Variants in COLEC12 observed in about 807,000 individuals in gnomAD.
The protein encoded by COLEC12 is collectin-12.
In COLEC12, 33 loss-of-function variants were observed where a neutral mutation model predicts 71.1. The ratio of observed to expected loss-of-function variants is 0.46; its 90% CI spans 0.35 to 0.62. The LOEUF (loss-of-function observed/expected upper bound fraction) is 0.62, where lower values mean the gene tolerates loss of function less well. Among genes scored for constraint, COLEC12 ranks in the 20% least tolerant of loss-of-function variants. COLEC12 has a pLI of 0.00. For missense variants in COLEC12, 765 were observed against 916.1 expected (o/e 0.84, Z 2.13); for synonymous variants, 350 against 353.0 (o/e 0.99, Z 0.10).
At position 324,573 on chromosome 18, in the gene COLEC12, A is replaced by C. The variant is rs143126984; in HGVS notation, c.2064-2766T>G. Among the ~76,000 whole-genome samples, 982 of 152,340 alleles carry C rather than the reference A, an allele frequency of 6.4e-3. 14 individuals are homozygous for C. The highest frequency in any genetic ancestry group is 0.022 in the African/African-American group (924 of 41,572). ...GCTGGGCATGGTGGCTCACACCTGT[A>C]ATCCCAGCACTTTGGGAGGCCGAGG... On this transcript the variant is annotated intron_variant, in intron 8 of 9. Coordinates refer to ENST00000400256, the MANE Select transcript of COLEC12 (RefSeq NM_130386.3).
chr18:335,154 C>G lies in COLEC12; in HGVS notation c.1404G>C (p.Gln468His). 6.2e-7 allele frequency: 1 copy of G among 1,612,858 alleles called. No individual in the cohort carries two copies. The highest frequency in any genetic ancestry group is 8.5e-7 in the Non-Finnish European group (1 of 1,179,602). ...GTCCAGGCTCCCCCTTCTCTCCTTT[C>G]TGTCCCTTGTTGCCAGTTGGGCCAG... ...GPPGPTGNKG[Q>H]KGEKGEPGPP... The change falls in exon 6 of 10, where the codon CAG becomes CAC. Residue 468 changes from glutamine (Q) to histidine (H), a missense_variant. By Grantham distance (24) the Gln-to-His change is conservative. Coordinates refer to ENST00000400256, the MANE Select transcript of COLEC12 (RefSeq NM_130386.3).
At chr18:345,981 T>G (rs1914361423) in intron 5 of COLEC12, among the ~76,000 whole-genome samples, 1 of 152,226 alleles carries the variant, frequency 6.6e-6, no homozygotes, top group African/African-American at 2.4e-5. Context: ...TGCCACATTG[T>G]GAGGACACTC....
At chr18:427,426 A>C (rs763922605) in intron 2 of COLEC12, among the ~76,000 whole-genome samples, 5 of 152,158 alleles carry the variant, frequency 3.3e-5, no homozygotes, top group African/African-American at 7.2e-5. Flanking sequence ...AAGCATTTAG[A>C]ATCTGAGGTC....
intron 8 of COLEC12, among the ~76,000 whole-genome samples, chr18:329,291 A>G (rs940290666): frequency 6.6e-6 from 1 of 152,064 alleles, no homozygotes. Context: ...AAGGCTTAAG[A>G]TTGAATTTCT....
At chr18:396,912 T>C (rs2143604773) in intron 2 of COLEC12, among the ~76,000 whole-genome samples, 1 of 152,322 alleles carries the variant, frequency 6.6e-6, no homozygotes, top group East Asian at 1.9e-4. Context: ...AATGTTGGAC[T>C]GCACTGAGGG....
intron 3 of COLEC12, among the ~76,000 whole-genome samples, chr18:350,866 A>C (rs994644460): frequency 6.5e-4 from 98 of 150,508 alleles, no homozygotes; most frequent in African/African-American, 2.0e-3. Flanking sequence ...AGGTGGAACC[A>C]GGAGAATTGC....
At position 346,508 on chromosome 18, in the gene COLEC12, T is replaced by C. The variant is rs1226210579; in HGVS notation, c.1114A>G (p.Thr372Ala). The part of the protein sequence containing the change: ...SNLNEVRTTC[T>A]DTLTKHTDDL... ...TCTGTGTGTTTGGTAAGGGTATCTGTGCAAGTGGTCCTGACTTCATTTAGA... is the reference window on the plus strand; with the variant it reads ...TCTGTGTGTTTGGTAAGGGTATCTGCGCAAGTGGTCCTGACTTCATTTAGA... Residue 372 changes from threonine to alanine, a missense_variant, in exon 5 of 10, where the codon ACA becomes GCA. Coordinates refer to ENST00000400256, the MANE Select transcript of COLEC12 (RefSeq NM_130386.3). The surrounding 1 kb of genome is among the most constrained non-coding windows in gnomAD (Gnocchi z 4.0). The C allele has an allele frequency of 1.2e-6, 2 of 1,614,156 alleles. No homozygotes were observed. The highest frequency in any genetic ancestry group is 2.7e-5 in the African/African-American group (2 of 75,036).
intron 2 of COLEC12, among the ~76,000 whole-genome samples, chr18:360,944 T>C (rs962492495): frequency 2.0e-5 from 3 of 152,186 alleles, no homozygotes; most frequent in African/African-American, 7.2e-5. Flanking sequence ...CTGACTTCAG[T>C]TCTAGCCCTG....
At chr18:431,205 A>G (rs2143674454) in intron 2 of COLEC12, among the ~76,000 whole-genome samples, 1 of 150,558 alleles carries the variant, frequency 6.6e-6, no homozygotes, top group East Asian at 2.0e-4. Flanking sequence ...GTCTTGTTAT[A>G]TTGCCCGGGC....
At chr18:434,143 T>A (rs1401571063) in intron 2 of COLEC12, among the ~76,000 whole-genome samples, 2 of 152,174 alleles carry the variant, frequency 1.3e-5, no homozygotes, top group African/African-American at 4.8e-5. Context: ...CTATTATTAC[T>A]AAAAATGTAA....
intron 2 of COLEC12, among the ~76,000 whole-genome samples, chr18:411,142 G>A (rs946746693): frequency 6.6e-6 from 1 of 152,246 alleles, no homozygotes; most frequent in Non-Finnish European, 1.5e-5. Context: ...ATACCACTCA[G>A]GTATCAATGG....
chr18:375,866 G>A (rs769165209), intron 2 of COLEC12, among the ~76,000 whole-genome samples: 5 of 152,180 alleles, frequency 3.3e-5, no homozygotes, highest in Non-Finnish European at 7.3e-5. Flanking sequence ...ATGAATTAAT[G>A]CCTGTAAAAC....
intron 1 of COLEC12, among the ~76,000 whole-genome samples, chr18:494,549 T>A (rs982851128): frequency 4.6e-5 from 7 of 152,168 alleles, no homozygotes; most frequent in Admixed American, 3.9e-4. Context: ...TCTCTTGGTT[T>A]CAGAGCCCAC....
chr18:341,952 GGAGGTGGAGT>G (rs1567877855), intron 5 of COLEC12, among the ~76,000 whole-genome samples: 3 of 152,244 alleles, frequency 2.0e-5, no homozygotes, highest in Admixed American at 1.3e-4. Context: ...GAACAGCCCA[GGAGGTGGAGT>G]GATCTTTGTA....
At chr18:321,585 C>A in intron 9 of COLEC12, 77 bp downstream of exon 9, 1 of 1,523,672 alleles carries the variant, frequency 6.6e-7, no homozygotes, top group Non-Finnish European at 9.1e-7. Flanking sequence ...GCATTCAGGG[C>A]CCTTGTACTC....
At chr18:388,458 G>A (rs1475473616) in intron 2 of COLEC12, among the ~76,000 whole-genome samples, 1 of 152,182 alleles carries the variant, frequency 6.6e-6, no homozygotes, top group Non-Finnish European at 1.5e-5. Flanking sequence ...ATGCTCACTG[G>A]CTTTAAAGTA....
intron 2 of COLEC12, among the ~76,000 whole-genome samples, chr18:364,511 G>C (rs1343734328): frequency 6.6e-6 from 1 of 152,108 alleles, no homozygotes; most frequent in Non-Finnish European, 1.5e-5. Context: ...TATTCTATGG[G>C]CACAGAGTGA....
chr18:455,281 T>C (rs1916843854), intron 2 of COLEC12, among the ~76,000 whole-genome samples: 1 of 143,626 alleles, frequency 7.0e-6, no homozygotes, highest in Admixed American at 6.9e-5. Flanking sequence ...TTTTACGCTT[T>C]TTTTTTTTTT....
intron 2 of COLEC12, among the ~76,000 whole-genome samples, chr18:470,241 T>TC (rs1344377904): frequency 7.2e-6 from 1 of 138,220 alleles, no homozygotes; most frequent in African/African-American, 2.9e-5. Context: ...TTTTTTTTTT[T>TC]TTTTTTTTGA....
Sources: allele counts gnomAD v4.1 joint callset (sites outside exome capture counted in the v4.1 genomes callset), GRCh38; gene constraint gnomAD v4.1.1; non-coding constraint Gnocchi (gnomAD v3.1); transcripts MANE v1.5; gene names NCBI Gene and HGNC (gene_info 2026-07-23, HGNC 2026-07-21).